Variants in PDZRN3 observed in about 807,000 individuals in gnomAD.
The protein encoded by PDZRN3 is PDZ domain containing ring finger 3.
A neutral mutation model predicts 85.7 loss-of-function variants in PDZRN3; 38 were observed. The ratio of observed to expected loss-of-function variants is 0.44; its 90% confidence interval spans 0.34 to 0.58. PDZRN3 has a LOEUF of 0.58. PDZRN3 is among the 20% of genes least tolerant of loss of function. The pLI is 0.01. For synonymous variants in PDZRN3, 759 were observed against 638.0 expected (o/e 1.19, Z -2.86); for missense variants, 1,629 against 1,506.4 (o/e 1.08, Z -1.35).
intron 3 of PDZRN3, among the ~76,000 whole-genome samples, chr3:73,475,613 T>C (rs891934248): frequency 4.6e-5 from 7 of 152,180 alleles, no homozygotes; most frequent in African/African-American, 1.4e-4. Flanking sequence ...AATACTGCAG[T>C]GAATCCATCC....
At chr3:73,436,785 T>C (rs1702538279) in intron 3 of PDZRN3, among the ~76,000 whole-genome samples, 1 of 152,130 alleles carries the variant, frequency 6.6e-6, no homozygotes, top group African/African-American at 2.4e-5. Context: ...CAGTGGCTCA[T>C]GCCTGTAATC....
chr3:73,436,402 C>T (rs1702531318), intron 3 of PDZRN3, among the ~76,000 whole-genome samples: 1 of 152,178 alleles, frequency 6.6e-6, no homozygotes, highest in Non-Finnish European at 1.5e-5. Flanking sequence ...GCACAATTGG[C>T]AAGTACCAGC....
intron 3 of PDZRN3, among the ~76,000 whole-genome samples, chr3:73,540,087 G>GAA (rs1168662549): frequency 5.0e-3 from 248 of 49,918 alleles, no homozygotes; most frequent in East Asian, 8.3e-3. Flanking sequence ...ACTGTTGGAT[G>GAA]AAAAAAAAAA....
chr3:73,495,227 A>G (rs896924172), intron 3 of PDZRN3, among the ~76,000 whole-genome samples: 1 of 152,220 alleles, frequency 6.6e-6, no homozygotes, highest in African/African-American at 2.4e-5. Context: ...CGATAGCAAG[A>G]TTCTTTCAGC....
At chr3:73,515,387 A>C (rs890984125) in intron 3 of PDZRN3, among the ~76,000 whole-genome samples, 1 of 152,118 alleles carries the variant, frequency 6.6e-6, no homozygotes, top group African/African-American at 2.4e-5. Flanking sequence ...CATGTTAGCC[A>C]GGATGGTCTC....
chr3:73,523,138 T>C (rs1275878562), intron 3 of PDZRN3, among the ~76,000 whole-genome samples: 1 of 152,186 alleles, frequency 6.6e-6, no homozygotes, highest in Admixed American at 6.5e-5. Flanking sequence ...TCCTCCTGCC[T>C]CGGCCTCCTG....
rs564515261 is a variant in PDZRN3, at chr3:73,425,401, A to C, written c.919-21006T>G. On this transcript the variant is annotated intron_variant, in intron 3 of 9. Coordinates refer to ENST00000263666, the MANE Select transcript of PDZRN3 (RefSeq NM_015009.3). Reference sequence around the variant, plus strand: ...TGATTCCCAGGCCGGAAGCATCCAAAGTCTAGGGGTAAAGTGTGGCGCACA... The same window carrying C: ...TGATTCCCAGGCCGGAAGCATCCAACGTCTAGGGGTAAAGTGTGGCGCACA... 5.3e-5 allele frequency among the ~76,000 whole-genome samples: 8 copies of C among 152,226 alleles called. No individual in the cohort carries two copies. The South Asian group carries it at 1.5e-3, about 28-fold the overall frequency.
At chr3:73,542,460 C>T (rs1297285101) in intron 3 of PDZRN3, among the ~76,000 whole-genome samples, 1 of 152,068 alleles carries the variant, frequency 6.6e-6, no homozygotes, top group Non-Finnish European at 1.5e-5. Context: ...TGGACCATGA[C>T]ATAAAAAAAG....
intron 3 of PDZRN3, among the ~76,000 whole-genome samples, chr3:73,499,288 T>C (rs1400506012): frequency 1.3e-5 from 2 of 152,136 alleles, no homozygotes; most frequent in Non-Finnish European, 2.9e-5. Flanking sequence ...GTAATCCGTA[T>C]AGTGTGATTA....
At chr3:73,509,290 C>G (rs116200356) in intron 3 of PDZRN3, among the ~76,000 whole-genome samples, 2 of 152,206 alleles carry the variant, frequency 1.3e-5, no homozygotes, top group Non-Finnish European at 2.9e-5. Context: ...CAGGGCAACA[C>G]GCTCACTAAG....
intron 3 of PDZRN3, among the ~76,000 whole-genome samples, chr3:73,591,334 C>T (rs1702353446): frequency 6.6e-6 from 1 of 152,142 alleles, no homozygotes; most frequent in Non-Finnish European, 1.5e-5. Flanking sequence ...ACACTTATGT[C>T]AGCACATATG....
At chr3:73,445,756 T>C (rs764238253) in intron 3 of PDZRN3, among the ~76,000 whole-genome samples, 2 of 152,194 alleles carry the variant, frequency 1.3e-5, no homozygotes, top group African/African-American at 4.8e-5. Context: ...AACTGATATA[T>C]ATGTGTGTCC....
At chr3:73,398,088 G>A (rs1343516534) in intron 5 of PDZRN3, among the ~76,000 whole-genome samples, 2 of 151,856 alleles carry the variant, frequency 1.3e-5, no homozygotes, top group East Asian at 3.9e-4. Flanking sequence ...AAAGTCTGAT[G>A]GCATCCAAGG....
rs1267128117 is a variant in PDZRN3 at position 73,563,191 on chromosome 3, T to TG, written c.918+39162_918+39163insC. On this transcript the variant is annotated intron_variant, in intron 3 of 9. Transcript: ENST00000263666. ...CCGCCACCACGCCCGGCTATTTTTT[T>TG]TTTGTTGTTGTTGTTTTGTGTTTTT... Among the ~76,000 whole-genome samples, 691 of 149,572 alleles carry TG rather than the reference T, an allele frequency of 4.6e-3. 9 individuals carry two copies. The highest frequency in any genetic ancestry group is 0.015 in the African/African-American group (624 of 40,616).
At chr3:73,540,621 T>C (rs1704898645) in intron 3 of PDZRN3, among the ~76,000 whole-genome samples, 1 of 152,202 alleles carries the variant, frequency 6.6e-6, no homozygotes, top group South Asian at 2.1e-4. Context: ...TTTTCCTCTT[T>C]GCTCAGCACT....
At chr3:73,480,464 T>G (rs913735529) in intron 3 of PDZRN3, among the ~76,000 whole-genome samples, 1 of 152,144 alleles carries the variant, frequency 6.6e-6, no homozygotes, top group Admixed American at 6.6e-5. Flanking sequence ...GGCTTCCAAA[T>G]TTTAGTCTAA....
chr3:73,569,442 T>C, intron 3 of PDZRN3: 1 of 1,134,772 alleles, frequency 8.8e-7, no homozygotes, highest in Non-Finnish European at 1.1e-6. Flanking sequence ...TCACGTTCTC[T>C]TAAGCCCCGA....
chr3:73,397,995 G>A (rs1174312422), intron 5 of PDZRN3, among the ~76,000 whole-genome samples: 1 of 152,132 alleles, frequency 6.6e-6, no homozygotes, highest in Non-Finnish European at 1.5e-5. Context: ...TGGTGACTTC[G>A]TGATTTTGCA....
Position 73,408,386 on chromosome 3 carries a change from T to C in PDZRN3, c.919-3991A>G, listed in dbSNP as rs1278154032. On this transcript the variant is annotated intron_variant, in intron 3 of 9. Transcript: ENST00000263666. ...GACTCCAGTGCTCGTGGGGATCCTG[T>C]AGTAGAAGAGACACATTTTCCCAGG... 1.4e-5 allele frequency: 8 copies of C among 591,082 alleles called. No homozygotes were observed. In the East Asian group the frequency reaches 2.0e-4, roughly 15 times the overall value. 36.6% of individuals were successfully genotyped at this position (591,082 alleles called of 1,614,324 possible). A position where few individuals can be genotyped will look rare whatever the true frequency, so the allele number is the denominator to read the frequency against.
Sources: allele counts gnomAD v4.1 joint callset (sites outside exome capture counted in the v4.1 genomes callset), GRCh38; gene constraint gnomAD v4.1.1; transcripts MANE v1.5; gene names NCBI Gene and HGNC (gene_info 2026-07-23, HGNC 2026-07-21).